LMBR1: variants seen among roughly 807,000 people sequenced by gnomAD.
The protein encoded by LMBR1 is limb region 1 protein homolog.
LMBR1 carries 52 observed loss-of-function variants against 73.9 expected under a neutral mutation model. That is an observed-to-expected ratio of 0.70 (90% CI 0.56 to 0.89). The LOEUF is 0.89. Ranked by LOEUF, LMBR1 falls within the 40% of genes least tolerant of loss-of-function variation. The probability of loss-of-function intolerance (pLI) is 0.00; values close to 1 mark genes in which losing one functional copy is unlikely to be tolerated. For synonymous variants in LMBR1, 215 were observed against 209.4 expected, an observed-to-expected ratio of 1.03 and a Z score of -0.23; for missense variants, 539 against 579.8, an observed-to-expected ratio of 0.93 and a Z score of 0.72.
intron 1 of LMBR1, among the ~76,000 whole-genome samples, chr7:156,884,949 C>T (rs142579640): frequency 6.6e-6 from 1 of 152,238 alleles, no homozygotes; most frequent in African/African-American, 2.4e-5. Context: ...GTAAACTCAT[C>T]TAGAGAGGCA....
intron 10 of LMBR1, among the ~76,000 whole-genome samples, chr7:156,731,385 T>A (rs1025129990): frequency 3.9e-5 from 6 of 152,080 alleles, no homozygotes; most frequent in Non-Finnish European, 7.4e-5. Flanking sequence ...CCCAAATAGA[T>A]AAAAGACATC....
intron 5 of LMBR1, among the ~76,000 whole-genome samples, chr7:156,776,563 G>T (rs934690656): frequency 6.6e-6 from 1 of 152,024 alleles, no homozygotes; most frequent in Non-Finnish European, 1.5e-5. Context: ...ACAATTTCCT[G>T]TCTTTTCTTG....
At chr7:156,803,948 A>T (rs1831509979) in intron 4 of LMBR1, among the ~76,000 whole-genome samples, 1 of 137,710 alleles carries the variant, frequency 7.3e-6, no homozygotes, top group African/African-American at 2.7e-5. Context: ...AACAATGAGA[A>T]CACATGGACA....
intron 3 of LMBR1, 136 bp from the exon 4 acceptor site, chr7:156,826,880 TGGGAGACAAATGATATAC>T (rs1401379708): frequency 1.3e-5 from 10 of 793,442 alleles, no homozygotes; most frequent in Non-Finnish European, 1.7e-5. Context: ...TATATGTAGT[TGGGAGACAAATGATATAC>T]ATATGGGCCT....
intron 15 of LMBR1, among the ~76,000 whole-genome samples, chr7:156,723,156 T>TAATG (rs3031005): frequency 2.6e-5 from 4 of 151,590 alleles, no homozygotes; most frequent in African/African-American, 9.7e-5. Flanking sequence ...ATTTATACTT[T>TAATG]TTGTTTTCTA....
chr7:156,763,812 A>T lies in LMBR1; in HGVS notation c.424-17T>A. ...TCGGATTCCCTGAAAAATAGAGTAG[A>T]AATATAATTTTAGTATTTTACTTCA... On this transcript the variant is annotated splice_polypyrimidine_tract_variant and intron_variant, in intron 5 of 16. Coordinates refer to ENST00000353442, the MANE Select transcript of LMBR1 (RefSeq NM_022458.4). 6.4e-7 allele frequency: 1 copy of T among 1,572,914 alleles called. No homozygotes were observed. Among genetic ancestry groups the T allele is most frequent in the Non-Finnish European group, 8.6e-7 (1 of 1,165,472 alleles).
At chr7:156,699,716 AC>A (rs1480715917) in intron 15 of LMBR1, among the ~76,000 whole-genome samples, 6 of 152,270 alleles carry the variant, frequency 3.9e-5, no homozygotes, top group African/African-American at 1.4e-4. Context: ...CAAGAAAAAA[AC>A]AACCCCATCA....
At chr7:156,748,224 C>T (rs1820189461) in intron 9 of LMBR1, among the ~76,000 whole-genome samples, 1 of 152,098 alleles carries the variant, frequency 6.6e-6, no homozygotes, top group Non-Finnish European at 1.5e-5. Context: ...TGCAAATATG[C>T]TTTCATTACT....
intron 9 of LMBR1, among the ~76,000 whole-genome samples, chr7:156,743,913 G>A (rs1197930022): frequency 3.9e-5 from 6 of 152,096 alleles, no homozygotes; most frequent in East Asian, 1.9e-4. Context: ...ATCTTGCTGC[G>A]ACAGTTTTAA....
At chr7:156,865,276 C>T (rs1327928817) in intron 1 of LMBR1, among the ~76,000 whole-genome samples, 1 of 151,958 alleles carries the variant, frequency 6.6e-6, no homozygotes, top group Admixed American at 6.6e-5. Context: ...CACTGCACTC[C>T]AGGCACAGTG....
At chr7:156,771,379 G>A (rs1825151983) in intron 5 of LMBR1, among the ~76,000 whole-genome samples, 1 of 152,066 alleles carries the variant, frequency 6.6e-6, no homozygotes, top group East Asian at 1.9e-4. Flanking sequence ...ACAATCAGAA[G>A]TGACAAAGAC....
intron 15 of LMBR1, among the ~76,000 whole-genome samples, chr7:156,718,020 T>C (rs1813605921): frequency 6.6e-6 from 1 of 152,218 alleles, no homozygotes; most frequent in South Asian, 2.1e-4. Context: ...TTCACTTATA[T>C]GATTAAAAAC....
At chr7:156,827,423 G>A (rs1269761268) in intron 3 of LMBR1, among the ~76,000 whole-genome samples, 2 of 151,928 alleles carry the variant, frequency 1.3e-5, no homozygotes, top group African/African-American at 2.4e-5. Context: ...TGTAAAACAT[G>A]TTCTCCCCCC....
At chr7:156,809,915 T>C (rs1001666773) in intron 4 of LMBR1, among the ~76,000 whole-genome samples, 2 of 152,222 alleles carry the variant, frequency 1.3e-5, no homozygotes, top group Admixed American at 6.5e-5. Context: ...AGTGGGTTTA[T>C]AGTTCTCATC....
intron 15 of LMBR1, among the ~76,000 whole-genome samples, chr7:156,692,361 G>A (rs1286632977): frequency 2.6e-5 from 4 of 152,226 alleles, no homozygotes; most frequent in African/African-American, 9.6e-5. Flanking sequence ...ACAGGCGTGA[G>A]CCACTGTGCC....
chr7:156,681,275 C>T lies in LMBR1; in HGVS notation c.*2803G>A, dbSNP rs916828732. 1.4e-5 allele frequency: 6 copies of T among 415,488 alleles called. No individual in the cohort carries two copies. Among genetic ancestry groups the T allele is most frequent in the Middle Eastern group, 5.7e-4 (1 of 1,750 alleles). 25.7% of individuals were successfully genotyped at this position (415,488 alleles called of 1,614,324 possible). A position where few individuals can be genotyped will look rare whatever the true frequency, so the allele number is the denominator to read the frequency against. On this transcript the variant is annotated 3_prime_UTR_variant, in exon 17 of 17. Coordinates refer to ENST00000353442, the MANE Select transcript of LMBR1 (RefSeq NM_022458.4). Reference sequence around the variant, plus strand: ...CGCACTGCCGCTGAGAGCAGGTACACGTGCGCCTTTAACACATCTGAGAGC... The same window carrying T: ...CGCACTGCCGCTGAGAGCAGGTACATGTGCGCCTTTAACACATCTGAGAGC...
At chr7:156,841,131 C>A (rs1838638602) in intron 1 of LMBR1, among the ~76,000 whole-genome samples, 1 of 151,912 alleles carries the variant, frequency 6.6e-6, no homozygotes, top group Non-Finnish European at 1.5e-5. Flanking sequence ...TGAAAGCAGA[C>A]ATGATAAGAT....
chr7:156,815,503 C>T (rs1370090850), intron 4 of LMBR1, among the ~76,000 whole-genome samples: 1 of 152,090 alleles, frequency 6.6e-6, no homozygotes, highest in Non-Finnish European at 1.5e-5. Context: ...CATATAAAGT[C>T]CTCTAAAATT....
At chr7:156,775,679 T>C (rs1826002365) in intron 5 of LMBR1, among the ~76,000 whole-genome samples, 1 of 152,252 alleles carries the variant, frequency 6.6e-6, no homozygotes, top group African/African-American at 2.4e-5. Context: ...TCTTCCATTA[T>C]ACTTTATGCT....
Sources: gnomAD v4.1 joint callset for allele counts (sites outside exome capture counted in the v4.1 genomes callset) on GRCh38, gnomAD v4.1.1 for gene constraint, MANE v1.5 for transcripts, NCBI Gene and HGNC (gene_info 2026-07-23, HGNC 2026-07-21) for gene names.